Variants in NDUFAF2 observed in about 807,000 individuals in gnomAD.
The protein encoded by NDUFAF2 is NADH:ubiquinone oxidoreductase complex assembly factor 2.
NDUFAF2 carries 13 observed loss-of-function variants against 22.8 expected under a neutral mutation model. The observed-to-expected ratio is 0.57, with a 90% CI of 0.37 to 0.91. NDUFAF2 has a LOEUF of 0.91. Among genes scored for constraint, NDUFAF2 ranks in the 40% least tolerant of loss-of-function variants. The probability of loss-of-function intolerance (pLI) is 0.01; values close to 1 mark genes in which losing one functional copy is unlikely to be tolerated. For missense variants in NDUFAF2, 162 were observed against 195.2 expected (o/e 0.83, Z 1.01); for synonymous variants, 53 against 64.2 (o/e 0.83, Z 0.84).
chr5:61,020,704 T>C (rs1335499230), intron 1 of NDUFAF2, among the ~76,000 whole-genome samples: 2 of 152,018 alleles, frequency 1.3e-5, no homozygotes, highest in Admixed American at 6.6e-5. Flanking sequence ...ATCTTTATTT[T>C]TTTGAGACAG....
At chr5:60,966,198 G>A (rs904668956) in intron 1 of NDUFAF2, among the ~76,000 whole-genome samples, 2 of 152,016 alleles carry the variant, frequency 1.3e-5, no homozygotes, top group African/African-American at 4.8e-5. Context: ...TAGATCTTTT[G>A]CCCAATTATG....
At chr5:61,109,455 T>G (rs1752807887) in intron 3 of NDUFAF2, among the ~76,000 whole-genome samples, 1 of 152,228 alleles carries the variant, frequency 6.6e-6, no homozygotes, top group African/African-American at 2.4e-5. Context: ...TTCTATTGTC[T>G]GATTGCTCTA....
chr5:61,132,501 C>T (rs1310495241), intron 3 of NDUFAF2, among the ~76,000 whole-genome samples: 1 of 152,118 alleles, frequency 6.6e-6, no homozygotes, highest in Non-Finnish European at 1.5e-5. Flanking sequence ...TCTCCTGACA[C>T]CAAACTTAAA....
chr5:61,135,168 C>T (rs1325478962), intron 3 of NDUFAF2, among the ~76,000 whole-genome samples: 3 of 150,968 alleles, frequency 2.0e-5, no homozygotes, highest in African/African-American at 4.9e-5. Context: ...TTTCCTACTT[C>T]GGTCCACTGG....
chr5:60,953,625 G>C (rs1176051389), intron 1 of NDUFAF2, among the ~76,000 whole-genome samples: 4 of 152,090 alleles, frequency 2.6e-5, no homozygotes, highest in Non-Finnish European at 5.9e-5. Flanking sequence ...TCATTTGGTT[G>C]ATGTATTTGT....
intron 1 of NDUFAF2, among the ~76,000 whole-genome samples, chr5:61,009,207 G>A (rs1428465520): frequency 6.6e-6 from 1 of 152,072 alleles, no homozygotes; most frequent in African/African-American, 2.4e-5. Context: ...GGTGTTATAA[G>A]TTAAATGTAT....
intron 3 of NDUFAF2, among the ~76,000 whole-genome samples, chr5:61,117,350 TA>T (rs1752923861): frequency 6.6e-6 from 1 of 152,106 alleles, no homozygotes; most frequent in Non-Finnish European, 1.5e-5. Context: ...GGCCCTACAA[TA>T]AAAAGATGTA....
intron 1 of NDUFAF2, among the ~76,000 whole-genome samples, chr5:60,955,418 A>G (rs113510701): frequency 0.01 from 1,559 of 152,202 alleles, 13 homozygotes; most frequent in Non-Finnish European, 0.018. Flanking sequence ...CTGTTCCAAT[A>G]GTTTATATGT....
chr5:61,055,246 A>G (rs1251152794), intron 1 of NDUFAF2, among the ~76,000 whole-genome samples: 3 of 152,236 alleles, frequency 2.0e-5, no homozygotes, highest in African/African-American at 7.2e-5. Context: ...AATTCCATGT[A>G]TGTAGCTTGT....
At chr5:61,099,952 A>C (rs1011771953) in intron 3 of NDUFAF2, among the ~76,000 whole-genome samples, 1 of 152,096 alleles carries the variant, frequency 6.6e-6, no homozygotes, top group Non-Finnish European at 1.5e-5. Flanking sequence ...GCTTATGTTT[A>C]TTTGCTCCAT....
At chr5:61,012,841 T>C (rs1401389705) in intron 1 of NDUFAF2, among the ~76,000 whole-genome samples, 1 of 152,034 alleles carries the variant, frequency 6.6e-6, no homozygotes, top group African/African-American at 2.4e-5. Context: ...GCAAAGTAAA[T>C]GAAAAAATAG....
At chr5:61,133,275 A>C (rs952293417) in intron 3 of NDUFAF2, among the ~76,000 whole-genome samples, 10 of 152,162 alleles carry the variant, frequency 6.6e-5, no homozygotes, top group Non-Finnish European at 1.5e-5. Flanking sequence ...GGGGAAAAAA[A>C]AGTGTTTTGG....
chr5:61,114,857 C>T (rs543785725), intron 3 of NDUFAF2: 1 of 152,300 alleles, frequency 6.6e-6, no homozygotes, highest in African/African-American at 2.4e-5. Context: ...GATTACCAGG[C>T]AAAGGCTCTT....
intron 1 of NDUFAF2, among the ~76,000 whole-genome samples, chr5:61,026,159 C>G (rs1751646737): frequency 6.6e-6 from 1 of 152,006 alleles, no homozygotes; most frequent in Admixed American, 6.6e-5. Flanking sequence ...GTTAGAAATT[C>G]AGCATGAAGA....
chr5:60,987,792 A>G (rs761269330), intron 1 of NDUFAF2, among the ~76,000 whole-genome samples: 3 of 152,220 alleles, frequency 2.0e-5, no homozygotes, highest in Non-Finnish European at 4.4e-5. Context: ...AATAAGAGCC[A>G]ACTATGACAA....
chr5:61,100,080 C>T (rs1464764668), intron 3 of NDUFAF2, among the ~76,000 whole-genome samples: 1 of 151,636 alleles, frequency 6.6e-6, no homozygotes, highest in Non-Finnish European at 1.5e-5. Flanking sequence ...TTTCGCAGAC[C>T]CTTCTTTCCA....
intron 1 of NDUFAF2, among the ~76,000 whole-genome samples, chr5:61,070,458 G>A (rs1752281719): frequency 1.3e-5 from 2 of 151,916 alleles, no homozygotes; most frequent in African/African-American, 4.8e-5. Context: ...TATTTAATAA[G>A]CTAATAGCTT....
chr5:61,024,310 G>A (rs1751623906), intron 1 of NDUFAF2, among the ~76,000 whole-genome samples: 1 of 151,826 alleles, frequency 6.6e-6, no homozygotes, highest in Non-Finnish European at 1.5e-5. Context: ...TTTGTTTTGT[G>A]TGTATCTGGT....
At chr5:61,142,542 G>A (rs144728863) in intron 3 of NDUFAF2, among the ~76,000 whole-genome samples, 1 of 152,300 alleles carries the variant, frequency 6.6e-6, no homozygotes, top group East Asian at 1.9e-4. Context: ...AAAACTCAGT[G>A]TACATTCTCA....
Sources: gnomAD v4.1 joint callset for allele counts (sites outside exome capture counted in the v4.1 genomes callset) on GRCh38, gnomAD v4.1.1 for gene constraint, MANE v1.5 for transcripts, NCBI Gene and HGNC (gene_info 2026-07-23, HGNC 2026-07-21) for gene names.